The following CDKN3 variants were observed in gnomAD, a reference collection of about 807,000 sequenced individuals.
The protein encoded by CDKN3 is cyclin-dependent kinase inhibitor 3.
In CDKN3, 19 loss-of-function variants were observed where a neutral mutation model predicts 36.1. That is an observed-to-expected ratio of 0.53 (90% CI 0.37 to 0.77). The LOEUF (loss-of-function observed/expected upper bound fraction) is 0.77. Ranked by LOEUF, CDKN3 falls within the 30% of genes least tolerant of loss-of-function variation. CDKN3 has a pLI of 0.00. For missense variants in CDKN3, 188 were observed against 248.6 expected, an observed-to-expected ratio of 0.76 and a Z score of 1.64; for synonymous variants, 71 against 85.3, an observed-to-expected ratio of 0.83 and a Z score of 0.92.
intron 6 of CDKN3, among the ~76,000 whole-genome samples, chr14:54,417,178 T>C (rs1391232635): frequency 1.3e-5 from 2 of 152,202 alleles, no homozygotes; most frequent in African/African-American, 4.8e-5. Flanking sequence ...CTCCAAAGTA[T>C]ATACCCAAAG....
chr14:54,397,744 C>G (rs1391573656), intron 1 of CDKN3, among the ~76,000 whole-genome samples: 1 of 152,254 alleles, frequency 6.6e-6, no homozygotes, highest in Non-Finnish European at 1.5e-5. Flanking sequence ...CCACCTAACC[C>G]ATATTTCCTA....
chr14:54,417,157 C>T (rs950797188), intron 6 of CDKN3, among the ~76,000 whole-genome samples: 1 of 152,148 alleles, frequency 6.6e-6, no homozygotes, highest in African/African-American at 2.4e-5. Context: ...ACATATGACC[C>T]AGCAATTTCA....
In CDKN3 at chr14:54,398,667, C is replaced by G. The variant is rs144859843; in HGVS notation, c.10-1227C>G. On this transcript the variant is annotated intron_variant, in intron 1 of 7. Transcript: ENST00000335183. ...TTTGTTCTGTTTTGTTTTTGTTTTT[C>G]TTTTTCTTTTGATTCCTTAAAATTT... Among the ~76,000 whole-genome samples, 354 of 152,230 alleles carry G rather than the reference C, an allele frequency of 2.3e-3. 3 individuals carry two copies. The highest frequency in any genetic ancestry group is 8.2e-3 in the African/African-American group (342 of 41,546).
At position 54,408,761 on chromosome 14, in the gene CDKN3, T is replaced by C. The variant is rs371998617; in HGVS notation, c.165T>C (p.Asp55=). 4 of 1,575,642 alleles carry C rather than the reference T, an allele frequency of 2.5e-6. No individual in the cohort carries two copies. Among genetic ancestry groups the C allele is most frequent in the Admixed American group, 2.0e-5 (1 of 51,032 alleles). Residue 55 remains aspartate (D), a synonymous_variant, in exon 4 of 8, where the codon GAT becomes GAC. Transcript: ENST00000335183. ...LCALPGCKFK[D]VRRNVQKDTE... ...TACTTATAGGTTGTAAATTTAAAGA[T>C]GTTAGAAGAAATGTCCAAAAAGATA...
At chr14:54,408,157 G>T (rs4251621) in intron 3 of CDKN3, among the ~76,000 whole-genome samples, 1 of 152,182 alleles carries the variant, frequency 6.6e-6, no homozygotes, top group African/African-American at 2.4e-5. Context: ...TCAAATGGTA[G>T]TTCTACTTTT....
chr14:54,413,015 A>C, intron 5 of CDKN3: 1 of 398,262 alleles, frequency 2.5e-6, no homozygotes, highest in Non-Finnish European at 5.0e-6. Context: ...CCTCATGCCA[A>C]CAGTGTCAGT....
intron 5 of CDKN3, chr14:54,412,945 G>A (rs1594607214): frequency 4.1e-6 from 2 of 487,630 alleles, no homozygotes; most frequent in Admixed American, 4.3e-5. Flanking sequence ...GGGGTTCTCA[G>A]GGCACCTAGT....
intron 2 of CDKN3, among the ~76,000 whole-genome samples, chr14:54,400,318 A>G (rs891324211): frequency 1.3e-5 from 2 of 151,828 alleles, no homozygotes; most frequent in African/African-American, 2.4e-5. Context: ...GGATTGAAAT[A>G]ATCTCCCATT....
intron 5 of CDKN3, chr14:54,412,836 A>T: frequency 1.9e-6 from 1 of 513,472 alleles, no homozygotes; most frequent in South Asian, 1.4e-5. Flanking sequence ...CCTTTCTCGA[A>T]TAAGGTAGGG....
At chr14:54,405,119 G>A (rs1273567556) in intron 3 of CDKN3, among the ~76,000 whole-genome samples, 1 of 152,142 alleles carries the variant, frequency 6.6e-6, no homozygotes, top group Non-Finnish European at 1.5e-5. Context: ...GTCAGGGGCA[G>A]GTTGTTCAGT....
intron 7 of CDKN3, among the ~76,000 whole-genome samples, chr14:54,419,671 CAA>C (rs535828232): frequency 2.5e-3 from 380 of 152,196 alleles, no homozygotes; most frequent in Non-Finnish European, 3.5e-3. Context: ...AAAATGTTAG[CAA>C]AAATAATGCC....
At position 54,420,111 on chromosome 14, in the gene CDKN3, T is replaced by A; in HGVS notation, c.*33T>A. 1 of 1,225,638 alleles carries A rather than the reference T, an allele frequency of 8.2e-7. No homozygotes were observed. The highest frequency in any genetic ancestry group is 1.2e-6 in the Non-Finnish European group (1 of 835,716). 75.9% of individuals were successfully genotyped at this position (1,225,638 alleles called of 1,614,324 possible). On this transcript the variant is annotated 3_prime_UTR_variant, in exon 8 of 8. Transcript: ENST00000335183. The stretch of plus-strand genomic sequence containing the variant: ...CAAATAGCATATATATGACCATGTC[T>A]GAAATGTCAGTTCTCTAGCATAATT...
chr14:54,411,259 T>C (rs2030343267), intron 4 of CDKN3: 7 of 486,994 alleles, frequency 1.4e-5, no homozygotes, highest in Non-Finnish European at 2.5e-5. Flanking sequence ...AGAACAGCAA[T>C]TGACTTATTT....
intron 3 of CDKN3, among the ~76,000 whole-genome samples, chr14:54,404,985 G>A (rs1220604681): frequency 1.3e-5 from 2 of 152,102 alleles, no homozygotes; most frequent in Non-Finnish European, 2.9e-5. Flanking sequence ...GATCTTTCCC[G>A]CTTTCTCATG....
At chr14:54,408,877 T>C (rs1230502205) in intron 4 of CDKN3, 88 bp downstream of exon 4, 14 of 1,454,666 alleles carry the variant, frequency 9.6e-6, no homozygotes, top group Non-Finnish European at 1.2e-5. Context: ...AAATCAGTTT[T>C]TTTTTAATAT....
intron 3 of CDKN3, among the ~76,000 whole-genome samples, chr14:54,405,230 T>G (rs1184562858): frequency 6.6e-6 from 1 of 152,230 alleles, no homozygotes; most frequent in East Asian, 1.9e-4. Flanking sequence ...TCTGTTCTTT[T>G]GCATTTGCTG....
At chr14:54,413,772 G>C in intron 5 of CDKN3, 2 of 1,446,826 alleles carry the variant, frequency 1.4e-6, no homozygotes, top group Non-Finnish European at 1.8e-6. Flanking sequence ...GGTTCTGCCT[G>C]GACATTTGCA....
chr14:54,400,243 A>AATAAGG, intron 2 of CDKN3, among the ~76,000 whole-genome samples: 1 of 122,570 alleles, frequency 8.2e-6, no homozygotes, highest in Non-Finnish European at 1.8e-5. Context: ...TCTTTATAAG[A>AATAAGG]CCCTTTTTTT....
At chr14:54,413,965 G>A (rs1242879844) in intron 5 of CDKN3, 1 of 377,142 alleles carries the variant, frequency 2.7e-6, no homozygotes, top group Non-Finnish European at 4.1e-6. Flanking sequence ...TGAGACTGAG[G>A]AGAGTCCTTC....
Sources: allele counts gnomAD v4.1 joint callset (sites outside exome capture counted in the v4.1 genomes callset), GRCh38; gene constraint gnomAD v4.1.1; transcripts MANE v1.5; gene names NCBI Gene and HGNC (gene_info 2026-07-23, HGNC 2026-07-21).